SPTSSB: variants seen among roughly 807,000 people sequenced by gnomAD.
SPTSSB encodes androgen down regulated in mouse prostate.
Under a neutral mutation model 7.7 loss-of-function variants are expected in SPTSSB, and 6 were observed. The ratio of observed to expected loss-of-function variants is 0.78; its 90% CI spans 0.43 to 1.54. SPTSSB has a LOEUF of 1.54. Ranked by LOEUF, SPTSSB falls within the 40% of genes most tolerant of loss-of-function variation. The pLI is 0.01. For missense variants in SPTSSB, 91 were observed against 93.0 expected, an observed-to-expected ratio of 0.98 and a Z score of 0.09; for synonymous variants, 28 against 29.7, an observed-to-expected ratio of 0.94 and a Z score of 0.19.
intron 2 of SPTSSB, 62 bp from the exon 3 acceptor site, chr3:161,346,417 C>T: frequency 1.3e-6 from 1 of 788,778 alleles, no homozygotes; most frequent in Non-Finnish European, 2.1e-6. Context: ...TTTAAAATTT[C>T]ATGATCTCAG....
intron 1 of SPTSSB, among the ~76,000 whole-genome samples, chr3:161,361,331 G>A (rs569322703): frequency 1.1e-4 from 16 of 152,252 alleles, no homozygotes; most frequent in Admixed American, 8.5e-4. Context: ...GCAGAGGCTA[G>A]ACAACACCTT....
chr3:161,359,444 T>C (rs1714913232), intron 2 of SPTSSB: 2 of 152,240 alleles, frequency 1.3e-5, no homozygotes, highest in South Asian at 2.1e-4. Flanking sequence ...ATTCTAACAC[T>C]GGCACTTGTG....
intron 2 of SPTSSB, among the ~76,000 whole-genome samples, chr3:161,352,821 TATA>T (rs1343564423): frequency 6.6e-6 from 1 of 152,204 alleles, no homozygotes; most frequent in African/African-American, 2.4e-5. Flanking sequence ...TAAAAATATA[TATA>T]ACAAATGCTT....
rs534534042 is a variant in SPTSSB, at chr3:161,351,597, C to G, written c.-32-5242G>C. Among the ~76,000 whole-genome samples, 1,449 of 151,136 alleles carry G rather than the reference C, an allele frequency of 9.6e-3. 32 individuals carry two copies. Among genetic ancestry groups the G allele is most frequent in the South Asian group, 0.014 (69 of 4,794 alleles). The stretch of plus-strand genomic sequence containing the variant: ...GTGTATACACTCACACATACACACA[C>G]AGAGAGAGAGAGAGAAAGAGAGAGA... On this transcript the variant is annotated intron_variant, in intron 2 of 2. Coordinates refer to ENST00000620149, the MANE Select transcript of SPTSSB (RefSeq NM_001040100.2).
chr3:161,353,130 T>A (rs993861870), intron 2 of SPTSSB, among the ~76,000 whole-genome samples: 7 of 152,200 alleles, frequency 4.6e-5, no homozygotes, highest in Non-Finnish European at 1.0e-4. Flanking sequence ...TTTCTCCATG[T>A]GTAAAACTGA....
rs375216413 is a variant in SPTSSB, at chr3:161,346,310, C to A, written c.14G>T (p.Arg5Leu). Reference sequence around the variant, plus strand: ...GAGCCAGGAGAAATATTCCTTCACACGCCTCAAATCCATGGTTGGCTCCTT... The same window carrying A: ...GAGCCAGGAGAAATATTCCTTCACAAGCCTCAAATCCATGGTTGGCTCCTT... MDLR[R>L]VKEYFSWLYY... The change falls in exon 3 of 3, where the codon CGT becomes CTT. Residue 5 changes from arginine to leucine, a missense_variant. Transcript: ENST00000620149. 1.2e-6 allele frequency: 2 copies of A among 1,610,556 alleles called. No individual in the cohort carries two copies. Among genetic ancestry groups the A allele is most frequent in the African/African-American group, 1.3e-5 (1 of 74,822 alleles).
chr3:161,350,969 A>T lies in SPTSSB; in HGVS notation c.-32-4614T>A, dbSNP rs563332037. Among the ~76,000 whole-genome samples, 5 of 152,278 alleles carry T rather than the reference A, an allele frequency of 3.3e-5. No individual in the cohort carries two copies. The East Asian group carries it at 9.7e-4, about 29-fold the overall frequency. On this transcript the variant is annotated intron_variant, in intron 2 of 2. Coordinates refer to ENST00000620149, the MANE Select transcript of SPTSSB (RefSeq NM_001040100.2). ...GATCCAGCCTAATCATGAGAAAGGT[A>T]TCAGACAAATTCCATTAGAGGGGCA...
intron 2 of SPTSSB, among the ~76,000 whole-genome samples, chr3:161,356,855 C>T (rs903171942): frequency 5.3e-5 from 8 of 151,934 alleles, no homozygotes; most frequent in African/African-American, 1.5e-4. Context: ...GGAGGCTGGG[C>T]GTGGTAATCC....
chr3:161,369,370 G>C (rs78401805), intron 1 of SPTSSB, among the ~76,000 whole-genome samples: 4 of 22,752 alleles, frequency 1.8e-4, no homozygotes, highest in South Asian at 1.6e-3. Context: ...TTCTCTCTCT[G>C]TCTCTCTTTC....
At chr3:161,346,502 T>C in intron 2 of SPTSSB, 147 bp from the exon 3 acceptor site, 1 of 450,724 alleles carries the variant, frequency 2.2e-6, no homozygotes, top group African/African-American at 2.0e-5. Flanking sequence ...TGTAAAATAA[T>C]ACATACTATA....
chr3:161,358,044 G>GT (rs11353900), intron 2 of SPTSSB, among the ~76,000 whole-genome samples: 4,696 of 114,486 alleles, frequency 0.041, 242 homozygotes, highest in African/African-American at 0.13. Context: ...AGAAACTTTT[G>GT]TTTTTTTTTT....
Position 161,349,234 on chromosome 3 carries a change from G to A in SPTSSB, c.-32-2879C>T, listed in dbSNP as rs533579322. On this transcript the variant is annotated intron_variant, in intron 2 of 2. Coordinates refer to ENST00000620149, the MANE Select transcript of SPTSSB (RefSeq NM_001040100.2). ...ACCATATAACAAACATGCAGTGATC[G>A]ATGGCCCAGGAATGAGTACTAAGTG... Among the ~76,000 whole-genome samples the A allele has an allele frequency of 2.0e-5, 3 of 152,232 alleles. No homozygotes were observed. In the East Asian group the frequency reaches 5.8e-4, roughly 29 times the overall value.
intron 1 of SPTSSB, among the ~76,000 whole-genome samples, chr3:161,365,253 G>A (rs1284890893): frequency 6.6e-6 from 1 of 152,200 alleles, no homozygotes; most frequent in East Asian, 1.9e-4. Context: ...CAGCCAGCTA[G>A]CCACTCAGTC....
chr3:161,352,778 T>C (rs1305788840), intron 2 of SPTSSB, among the ~76,000 whole-genome samples: 1 of 152,246 alleles, frequency 6.6e-6, no homozygotes, highest in Non-Finnish European at 1.5e-5. Flanking sequence ...ATCTGTTTTT[T>C]TGAAGCATGG....
intron 1 of SPTSSB, among the ~76,000 whole-genome samples, chr3:161,364,677 A>T (rs1476239226): frequency 6.6e-6 from 1 of 151,134 alleles, no homozygotes; most frequent in Non-Finnish European, 1.5e-5. Context: ...ATATATATAT[A>T]ATATATATTT....
intron 2 of SPTSSB, among the ~76,000 whole-genome samples, chr3:161,347,505 G>C (rs181298765): frequency 6.6e-6 from 1 of 151,730 alleles, no homozygotes; most frequent in African/African-American, 2.4e-5. Flanking sequence ...CAGGTGATCT[G>C]CCCGCCTCAG....
chr3:161,363,096 T>C (rs1715075012), intron 1 of SPTSSB, among the ~76,000 whole-genome samples: 1 of 151,926 alleles, frequency 6.6e-6, no homozygotes, highest in African/African-American at 2.4e-5. Flanking sequence ...AGAAAGTTAT[T>C]TATTTATTTC....
At chr3:161,369,385 CTTTTTTTTTTTTTT>C (rs71149710) in intron 1 of SPTSSB, among the ~76,000 whole-genome samples, 1 of 29,652 alleles carries the variant, frequency 3.4e-5, no homozygotes, top group Non-Finnish European at 5.9e-5. Flanking sequence ...TCTTTCTTTC[CTTTTTTTTTTTTTT>C]TTTTTTTTTT....
intron 1 of SPTSSB, among the ~76,000 whole-genome samples, chr3:161,368,860 G>C (rs988493661): frequency 1.3e-5 from 2 of 152,146 alleles, no homozygotes; most frequent in Admixed American, 1.3e-4. Context: ...TCTCTTCAAT[G>C]TTCATCCATG....
Sources: allele counts gnomAD v4.1 joint callset (sites outside exome capture counted in the v4.1 genomes callset), GRCh38; gene constraint gnomAD v4.1.1; transcripts MANE v1.5; gene names NCBI Gene and HGNC (gene_info 2026-07-23, HGNC 2026-07-21).